Variants in TBC1D16 observed in about 807,000 individuals in gnomAD.
TBC1D16 encodes the protein CTD-2529O21.1.
In TBC1D16, 58 loss-of-function variants were observed where a neutral mutation model predicts 74.7. That is an observed-to-expected ratio of 0.78 (90% CI 0.63 to 0.97). The LOEUF (loss-of-function observed/expected upper bound fraction) is 0.97, where lower values mean the gene tolerates loss of function less well. Ranked by LOEUF, TBC1D16 falls within the 50% of genes least tolerant of loss-of-function variation. TBC1D16 has a pLI of 0.00. For missense variants in TBC1D16, 1,014 were observed against 1,079.5 expected (o/e 0.94, Z 0.85); for synonymous variants, 493 against 474.7 (o/e 1.04, Z -0.50).
rs1316852497 is a variant in TBC1D16 at position 79,981,640 on chromosome 17, A to G, written c.779+28520T>C. ...CAACACTTCGTTTTCCAAAGCGGGG[A>G]GGCCAAACCTCCAAAGCTGGGAGGG... On this transcript the variant is annotated intron_variant, in intron 3 of 11. Transcript: ENST00000310924. The surrounding 1 kb of genome is among the most constrained non-coding windows in gnomAD (Gnocchi z 6.9). 6.6e-6 allele frequency among the ~76,000 whole-genome samples: 1 copy of G among 152,238 alleles called. No homozygotes were observed. Among genetic ancestry groups the G allele is most frequent in the Non-Finnish European group, 1.5e-5 (1 of 68,042 alleles).
In TBC1D16 at chr17:79,975,860, G is replaced by A. The variant is rs1340180624; in HGVS notation, c.780-23042C>T. Among the ~76,000 whole-genome samples, 1 of 152,196 alleles carries A rather than the reference G, an allele frequency of 6.6e-6. No individual in the cohort carries two copies. The highest frequency in any genetic ancestry group is 2.4e-5 in the African/African-American group (1 of 41,448). ...GGGGTCTGTGCAGAGACCGGGCAGA[G>A]CTCTGGGCTTCAGGATGGCAGCAGC... On this transcript the variant is annotated intron_variant, in intron 3 of 11. Transcript: ENST00000310924. This position sits in a 1 kb window ranked among gnomAD's most constrained non-coding sequence, Gnocchi z 4.5.
In TBC1D16 at chr17:79,979,282, C is replaced by G. The variant is rs1021025159; in HGVS notation, c.780-26464G>C. ...GATGCACACCCACGCCCAGAGCACA[C>G]GCGCTCCGGGGACGCACACCCACGC... On this transcript the variant is annotated intron_variant, in intron 3 of 11. Coordinates refer to ENST00000310924, the MANE Select transcript of TBC1D16 (RefSeq NM_019020.4). The surrounding 1 kb of genome is among the most constrained non-coding windows in gnomAD (Gnocchi z 4.8). Among the ~76,000 whole-genome samples, 1 of 151,132 alleles carries G rather than the reference C, an allele frequency of 6.6e-6. No individual in the cohort carries two copies. The highest frequency in any genetic ancestry group is 1.5e-5 in the Non-Finnish European group (1 of 67,700).
chr17:79,957,175 C>T (rs931801498), intron 3 of TBC1D16, among the ~76,000 whole-genome samples: 2 of 151,944 alleles, frequency 1.3e-5, no homozygotes, highest in African/African-American at 4.8e-5. Flanking sequence ...AGGGCGTGTT[C>T]GGTGTGCTGG....
intron 3 of TBC1D16, among the ~76,000 whole-genome samples, chr17:79,972,023 C>T (rs1476205056): frequency 6.6e-6 from 1 of 152,052 alleles, no homozygotes; most frequent in African/African-American, 2.4e-5. Flanking sequence ...AGCAGGGACT[C>T]GAACAGGTAT....
chr17:80,030,454 C>A (rs1380046018), intron 1 of TBC1D16, among the ~76,000 whole-genome samples: 1 of 152,182 alleles, frequency 6.6e-6, no homozygotes, highest in Non-Finnish European at 1.5e-5. Flanking sequence ...GCTGCCTCCA[C>A]CTAAGGTCTT....
At chr17:80,011,483 C>T (rs2035890450) in intron 2 of TBC1D16, among the ~76,000 whole-genome samples, 1 of 152,152 alleles carries the variant, frequency 6.6e-6, no homozygotes, top group South Asian at 2.1e-4. Flanking sequence ...CATGGCTTTA[C>T]AGCACTGTTA....
chr17:79,975,030 G>A lies in TBC1D16; in HGVS notation c.780-22212C>T, dbSNP rs751554290. Among the ~76,000 whole-genome samples, 1 of 152,140 alleles carries A rather than the reference G, an allele frequency of 6.6e-6. No individual in the cohort carries two copies. Among genetic ancestry groups the A allele is most frequent in the Admixed American group, 6.5e-5 (1 of 15,272 alleles). On this transcript the variant is annotated intron_variant, in intron 3 of 11. Transcript: ENST00000310924. The surrounding 1 kb of genome is among the most constrained non-coding windows in gnomAD (Gnocchi z 4.5). ...CCCTCTATAGGTAAGAAGGCCCAAG[G>A]AAGAAGCCCTCTGCTCCGTCACCTC...
chr17:79,951,866 C>T, intron 4 of TBC1D16: 1 of 367,980 alleles, frequency 2.7e-6, no homozygotes, highest in Non-Finnish European at 5.0e-6. Context: ...TCCCCACCAC[C>T]CCCTGCCCGG....
rs978795394 is a variant in TBC1D16 at position 80,000,697 on chromosome 17, T to A, written c.779+9463A>T. ...TGATGACTGTCTATCTGCCCTGTAC[T>A]GAGCCCTCTGTGCAGAGCTTTACAC... On this transcript the variant is annotated intron_variant, in intron 3 of 11. Transcript: ENST00000310924. The surrounding 1 kb of genome is among the most constrained non-coding windows in gnomAD (Gnocchi z 4.1). Among the ~76,000 whole-genome samples, 3 of 152,238 alleles carry A rather than the reference T, an allele frequency of 2.0e-5. No individual in the cohort carries two copies. The highest frequency in any genetic ancestry group is 7.2e-5 in the African/African-American group (3 of 41,462).
rs747778979 is a variant in TBC1D16, at chr17:80,010,382, A to T, written c.557T>A (p.Ile186Asn). The T allele has an allele frequency of 4.3e-6, 7 of 1,611,976 alleles. No homozygotes were observed. The African/African-American group carries it at 9.3e-5, about 22-fold the overall frequency. Residue 186 changes from isoleucine to asparagine, a missense_variant, in exon 3 of 12, where the codon ATC (isoleucine) becomes AAC (asparagine). Coordinates refer to ENST00000310924, the MANE Select transcript of TBC1D16 (RefSeq NM_019020.4). The surrounding 1 kb of genome is among the most constrained non-coding windows in gnomAD (Gnocchi z 8.8). ...ASQPACSPSG[I>N]LSTVSPQDVT... Reference sequence around the variant, plus strand: ...ATCCTGCGGACTGACCGTCGACAAGATCCCGGAGGGGCTGCAAGCAGGCTG... The same window carrying T: ...ATCCTGCGGACTGACCGTCGACAAGTTCCCGGAGGGGCTGCAAGCAGGCTG...
chr17:79,954,399 G>A lies in TBC1D16; in HGVS notation c.780-1581C>T, dbSNP rs1229643526. ...AGGCATAGCCCTGGGCCTGGTGAGT[G>A]GCAGGTGGCCTTTCTTCCCCACCTG... is the stretch of plus-strand genomic sequence containing the variant. On this transcript the variant is annotated intron_variant, in intron 3 of 11. Coordinates refer to ENST00000310924, the MANE Select transcript of TBC1D16 (RefSeq NM_019020.4). The surrounding 1 kb of genome is among the most constrained non-coding windows in gnomAD (Gnocchi z 5.5). Among the ~76,000 whole-genome samples, 2 of 152,174 alleles carry A rather than the reference G, an allele frequency of 1.3e-5. No homozygotes were observed. Among genetic ancestry groups the A allele is most frequent in the Non-Finnish European group, 2.9e-5 (2 of 68,024 alleles).
At chr17:79,977,409 C>T (rs1014780766) in intron 3 of TBC1D16, among the ~76,000 whole-genome samples, 2 of 152,228 alleles carry the variant, frequency 1.3e-5, no homozygotes, top group Non-Finnish European at 2.9e-5. Context: ...TCCCTGACGC[C>T]TCATCCCTCC....
rs1223768265 is a variant in TBC1D16, at chr17:80,008,549, G to A, written c.779+1611C>T. On this transcript the variant is annotated intron_variant, in intron 3 of 11. Transcript: ENST00000310924. The surrounding 1 kb of genome is among the most constrained non-coding windows in gnomAD (Gnocchi z 4.5). ...ATGCAGGGACACGGGGACGCCTGCA[G>A]GTTCTGCTGCACTGTTGGCCTGGCA... 6.6e-6 allele frequency among the ~76,000 whole-genome samples: 1 copy of A among 152,150 alleles called. No homozygotes were observed. Among genetic ancestry groups the A allele is most frequent in the East Asian group, 1.9e-4 (1 of 5,174 alleles).
At chr17:80,034,512 T>G (rs1305559641) in intron 1 of TBC1D16, among the ~76,000 whole-genome samples, 2 of 152,142 alleles carry the variant, frequency 1.3e-5, no homozygotes, top group East Asian at 1.9e-4. Context: ...ATAAAAACTT[T>G]CGCCATAAAA....
chr17:79,949,294 G>A (rs972261941), intron 7 of TBC1D16, among the ~76,000 whole-genome samples: 1 of 152,204 alleles, frequency 6.6e-6, no homozygotes. Context: ...GTTCTGGAGG[G>A]GAGCTGAGCA....
intron 3 of TBC1D16, among the ~76,000 whole-genome samples, chr17:79,974,874 C>T (rs2034263186): frequency 6.6e-6 from 1 of 152,158 alleles, no homozygotes; most frequent in African/African-American, 2.4e-5. Flanking sequence ...GGTTCAAAAA[C>T]GTTGAAAGAG....
chr17:80,009,028 G>A lies in TBC1D16; in HGVS notation c.779+1132C>T, dbSNP rs911130508. ...CCCTGGCAAGCTGCTGACCTTCTCC[G>A]AGCCGCCCTTTCCCCTTCGATAGCA... On this transcript the variant is annotated intron_variant, in intron 3 of 11. Coordinates refer to ENST00000310924, the MANE Select transcript of TBC1D16 (RefSeq NM_019020.4). This position sits in a 1 kb window ranked among gnomAD's most constrained non-coding sequence, Gnocchi z 5.4. Among the ~76,000 whole-genome samples, 8 of 152,282 alleles carry A rather than the reference G, an allele frequency of 5.3e-5. No individual in the cohort carries two copies. Among genetic ancestry groups the A allele is most frequent in the Admixed American group, 2.0e-4 (3 of 15,294 alleles).
At chr17:79,995,421 C>A (rs771826185) in intron 3 of TBC1D16, among the ~76,000 whole-genome samples, 1 of 152,002 alleles carries the variant, frequency 6.6e-6, no homozygotes, top group Non-Finnish European at 1.5e-5. Flanking sequence ...GGAGTCATTG[C>A]ACATCCATAG....
intron 3 of TBC1D16, among the ~76,000 whole-genome samples, chr17:79,995,987 A>G (rs1165498368): frequency 6.6e-6 from 1 of 152,234 alleles, no homozygotes; most frequent in Non-Finnish European, 1.5e-5. Flanking sequence ...CAATCCTCAT[A>G]TCTAGCAAAG....
Sources: gnomAD v4.1 joint callset for allele counts (sites outside exome capture counted in the v4.1 genomes callset) on GRCh38, gnomAD v4.1.1 for gene constraint, Gnocchi (gnomAD v3.1) non-coding constraint, MANE v1.5 for transcripts, NCBI Gene and HGNC (gene_info 2026-07-23, HGNC 2026-07-21) for gene names.